Variants in BCKDHA observed in about 807,000 individuals in gnomAD.
The protein encoded by BCKDHA is 2-oxoisovalerate dehydrogenase subunit alpha, mitochondrial.
Under a neutral mutation model 52.2 loss-of-function variants are expected in BCKDHA, and 43 were observed. That is an observed-to-expected ratio of 0.82 (90% CI 0.64 to 1.06). The LOEUF (loss-of-function observed/expected upper bound fraction) is 1.06. Among genes scored for constraint, BCKDHA ranks in the 50% least tolerant of loss-of-function variants. The pLI is 0.00. For synonymous variants in BCKDHA, 234 were observed against 247.9 expected (o/e 0.94, Z 0.53); for missense variants, 527 against 621.3 (o/e 0.85, Z 1.61).
chr19:41,421,192 C>G (rs2039360105), intron 5 of BCKDHA, among the ~76,000 whole-genome samples: 1 of 152,200 alleles, frequency 6.6e-6, no homozygotes, highest in Non-Finnish European at 1.5e-5. Flanking sequence ...TGGGTCCCTG[C>G]TAAGTCACTT....
intron 1 of BCKDHA, among the ~76,000 whole-genome samples, chr19:41,403,413 G>A (rs2039158540): frequency 1.3e-5 from 2 of 152,188 alleles, no homozygotes; most frequent in Admixed American, 6.5e-5. Flanking sequence ...TGCCTGCCCC[G>A]TCTGGATGCC....
intron 8 of BCKDHA, among the ~76,000 whole-genome samples, chr19:41,423,513 G>A (rs897258460): frequency 2.0e-5 from 3 of 152,142 alleles, no homozygotes; most frequent in African/African-American, 7.2e-5. Flanking sequence ...GGCCAAACAT[G>A]GTCAAGCCCT....
rs764247545 is a variant in BCKDHA, at chr19:41,422,634, C to G, written c.859C>G (p.Arg287Gly). Reference sequence around the variant, plus strand: ...CCTTCTCTGTGTCCCCACAGCAGCACGAGGCCCCGGGTATGGCATCATGTC... The same window carrying G: ...CCTTCTCTGTGTCCCCACAGCAGCAGGAGGCCCCGGGTATGGCATCATGTC... ...EQYRGDGIAARGPGYGIMSIR... is the reference protein window; with the variant it reads ...EQYRGDGIAAGGPGYGIMSIR... Residue 287 changes from arginine (R) to glycine (G), a missense_variant, in exon 7 of 9, where the codon CGA becomes GGA. Coordinates refer to ENST00000269980, the MANE Select transcript of BCKDHA (RefSeq NM_000709.4). 9.9e-6 allele frequency: 16 copies of G among 1,613,942 alleles called. No individual in the cohort carries two copies. Among genetic ancestry groups the G allele is most frequent in the East Asian group, 8.9e-5 (4 of 44,890 alleles).
In BCKDHA at chr19:41,415,180, G is replaced by A. The variant is rs532888034; in HGVS notation, c.484+1023G>A. On this transcript the variant is annotated intron_variant, in intron 4 of 8. Transcript: ENST00000269980. ...CTGGACCAGGCCCTTGGCCCCACAT[G>A]CTCTAGGAGGGCAAACGCCCTGTGG... Among the ~76,000 whole-genome samples the A allele has an allele frequency of 2.6e-5, 4 of 152,340 alleles. No individual in the cohort carries two copies. In the South Asian group the frequency reaches 8.3e-4, roughly 32 times the overall value.
At position 41,422,186 on chromosome 19, in the gene BCKDHA, C is replaced by A. The variant is rs1239388957; in HGVS notation, c.669C>A (p.Ala223=). Residue 223 remains alanine, a synonymous_variant, in exon 6 of 9, where the codon GCC becomes GCA. Transcript: ENST00000269980. ...IPQAVGAAYA[A]KRANANRVVI... ...CAGCGGTGGGGGCGGCGTACGCAGCCAAGCGGGCCAATGCCAACAGGGTCG... is the reference window on the plus strand; with the variant it reads ...CAGCGGTGGGGGCGGCGTACGCAGCAAAGCGGGCCAATGCCAACAGGGTCG... 7 of 1,614,012 alleles carry A rather than the reference C, an allele frequency of 4.3e-6. No homozygotes were observed. Among genetic ancestry groups the A allele is most frequent in the Non-Finnish European group, 5.9e-6 (7 of 1,179,982 alleles).
chr19:41,421,619 T>G (rs1599960070), intron 5 of BCKDHA, among the ~76,000 whole-genome samples: 2 of 104,958 alleles, frequency 1.9e-5, no homozygotes, highest in Admixed American at 9.3e-5. Flanking sequence ...AGGTGGTGGG[T>G]GGGGGTGCAG....
At chr19:41,422,523 T>C (rs2039378872) in intron 6 of BCKDHA, 106 bp from the exon 7 acceptor site, 9 of 1,585,112 alleles carry the variant, frequency 5.7e-6, no homozygotes, top group Non-Finnish European at 6.9e-6. Context: ...GTTGAGGTCC[T>C]GAGCACTCAG....
rs530972813 is a variant in BCKDHA at position 41,412,380 on chromosome 19, C to CTTTTTT, written c.375+1384_375+1389dup. Among the ~76,000 whole-genome samples, 51 of 65,856 alleles carry CTTTTTT rather than the reference C, an allele frequency of 7.7e-4. 5 individuals carry two copies. The highest frequency in any genetic ancestry group is 2.5e-3 in the African/African-American group (44 of 17,632). 43.2% of individuals were successfully genotyped at this position (65,856 alleles called of 152,430 possible). A position where few individuals can be genotyped will look rare whatever the true frequency, so the allele number is the denominator to read the frequency against. On this transcript the variant is annotated intron_variant, in intron 3 of 8. Transcript: ENST00000269980. ...TCATTCCCTCTGTCTGTAGATATTT[C>CTTTTTT]TTTTTTTTTTTTTTTTTTACTTTTG...
chr19:41,397,881 C>G lies in BCKDHA; in HGVS notation c.54C>G (p.Ser18Arg). Reference protein sequence around the residue: ...ARVWRLNRGLSQAALLLLRQP... With the variant: ...ARVWRLNRGLRQAALLLLRQP... ...TCTGGCGGCTAAACCGTGGTTTGAG[C>G]CAGGCTGCCCTCCTGCTGCTGCGGC... Residue 18 changes from serine (S) to arginine (R), a missense_variant, in exon 1 of 9, where the codon AGC becomes AGG. Transcript: ENST00000269980. The G allele has an allele frequency of 6.2e-7, 1 of 1,614,106 alleles. No individual in the cohort carries two copies. The highest frequency in any genetic ancestry group is 8.5e-7 in the Non-Finnish European group (1 of 1,180,030).
rs1009271850 is a variant in BCKDHA at position 41,414,138 on chromosome 19, T to A, written c.465T>A (p.Phe155Leu). 1.2e-6 allele frequency: 2 copies of A among 1,613,548 alleles called. No homozygotes were observed. Among genetic ancestry groups the A allele is most frequent in the Non-Finnish European group, 1.7e-6 (2 of 1,180,026 alleles). The change falls in exon 4 of 9, where the codon TTT becomes TTA. Residue 155 changes from phenylalanine to leucine, a missense_variant. By Grantham distance (22) the Phe-to-Leu change is conservative (BLOSUM62 0). Transcript: ENST00000269980. Reference sequence around the variant, plus strand: ...CCCTGGACAACACGGACCTGGTGTTTGGCCAGTACCGGGAGGCAGGTACGT... The same window carrying A: ...CCCTGGACAACACGGACCTGGTGTTAGGCCAGTACCGGGAGGCAGGTACGT... ...AAALDNTDLV[F>L]GQYREAGVLM...
intron 3 of BCKDHA, among the ~76,000 whole-genome samples, chr19:41,412,671 C>G (rs2039269350): frequency 6.6e-6 from 1 of 151,112 alleles, no homozygotes; most frequent in Non-Finnish European, 1.5e-5. Context: ...AGCCACTGCA[C>G]CCAGCTGTAG....
At chr19:41,398,982 T>C (rs960412104) in intron 1 of BCKDHA, among the ~76,000 whole-genome samples, 9 of 151,960 alleles carry the variant, frequency 5.9e-5, no homozygotes, top group African/African-American at 7.3e-5. Context: ...GGAATGTTGA[T>C]AGTGAGGGTG....
chr19:41,401,566 G>A (rs1448612156), intron 1 of BCKDHA, among the ~76,000 whole-genome samples: 1 of 152,152 alleles, frequency 6.6e-6, no homozygotes, highest in Admixed American at 6.6e-5. Context: ...ATACCCTGCT[G>A]CCCTGCAGAT....
At chr19:41,423,958 A>C (rs926284992) in intron 8 of BCKDHA, among the ~76,000 whole-genome samples, 1 of 151,518 alleles carries the variant, frequency 6.6e-6, no homozygotes, top group African/African-American at 2.4e-5. Flanking sequence ...GCGCCACTGC[A>C]CTCCAGCCTG....
intron 4 of BCKDHA, among the ~76,000 whole-genome samples, chr19:41,417,781 TG>T (rs987024951): frequency 1.3e-5 from 2 of 151,982 alleles, no homozygotes; most frequent in Admixed American, 1.3e-4. Flanking sequence ...AAAAATTAGC[TG>T]GATGTGGTGG....
intron 5 of BCKDHA, 100 bp from the exon 6 acceptor site, chr19:41,422,064 C>G: frequency 8.3e-7 from 1 of 1,209,668 alleles, no homozygotes; most frequent in Admixed American, 2.0e-5. Context: ...CTGGTGACTG[C>G]TGGCCTGAGC....
intron 1 of BCKDHA, among the ~76,000 whole-genome samples, chr19:41,401,456 G>A (rs895542528): frequency 5.9e-5 from 9 of 152,164 alleles, no homozygotes; most frequent in African/African-American, 2.2e-4. Context: ...AGACAGATTG[G>A]ATTACTGGGT....
At chr19:41,417,603 T>C (rs559736411) in intron 4 of BCKDHA, among the ~76,000 whole-genome samples, 24 of 152,308 alleles carry the variant, frequency 1.6e-4, no homozygotes, top group Non-Finnish European at 2.5e-4. Context: ...GTTGAAGTAG[T>C]GCTAACCACC....
chr19:41,420,468 G>A (rs1346036538), intron 5 of BCKDHA, among the ~76,000 whole-genome samples: 1 of 152,178 alleles, frequency 6.6e-6, no homozygotes, highest in Non-Finnish European at 1.5e-5. Flanking sequence ...GCATGGTGGT[G>A]CACACCTGTA....
Sources: gnomAD v4.1 joint callset for allele counts (sites outside exome capture counted in the v4.1 genomes callset) on GRCh38, gnomAD v4.1.1 for gene constraint, MANE v1.5 for transcripts, NCBI Gene and HGNC (gene_info 2026-07-23, HGNC 2026-07-21) for gene names.